The following CIAO2A variants were observed in gnomAD, a reference collection of about 807,000 sequenced individuals.
The protein encoded by CIAO2A is MIP18 family protein FAM96A.
In CIAO2A, 17 loss-of-function variants were observed where a neutral mutation model predicts 22.4. The observed-to-expected ratio is 0.76, with a 90% CI of 0.52 to 1.14. CIAO2A has a LOEUF of 1.14. Ranked by LOEUF, CIAO2A falls within the 50% of genes most tolerant of loss-of-function variation. The pLI, the probability that CIAO2A is intolerant of heterozygous loss-of-function variation, is 0.00. For synonymous variants in CIAO2A, 74 were observed against 72.3 expected, an observed-to-expected ratio of 1.02 and a Z score of -0.12; for missense variants, 192 against 191.4, an observed-to-expected ratio of 1.00 and a Z score of -0.02.
At chr15:64,086,316 G>GC (rs1469340240) in intron 2 of CIAO2A, among the ~76,000 whole-genome samples, 2 of 151,914 alleles carry the variant, frequency 1.3e-5, no homozygotes, top group Non-Finnish European at 2.9e-5. Context: ...GGAGGCTGAG[G>GC]CAAGAGAATC....
chr15:64,079,787 C>A (rs1372327518), intron 3 of CIAO2A, among the ~76,000 whole-genome samples: 1 of 152,152 alleles, frequency 6.6e-6, no homozygotes, highest in Non-Finnish European at 1.5e-5. Context: ...ACACCAAAAG[C>A]ACAAGTTAAA....
rs1017342631 is a variant in CIAO2A at position 64,091,551 on chromosome 15, C to G, written c.124+2094G>C. Among the ~76,000 whole-genome samples the G allele has an allele frequency of 3.3e-5, 5 of 151,808 alleles. No homozygotes were observed. In the East Asian group the frequency reaches 7.7e-4, roughly 23 times the overall value. ...ATAGGCAAGAAAGTCGACAAAGCTTCTCTTTCACAGAGCTGTGTTATCATG... is the reference window on the plus strand; with the variant it reads ...ATAGGCAAGAAAGTCGACAAAGCTTGTCTTTCACAGAGCTGTGTTATCATG... On this transcript the variant is annotated intron_variant, in intron 1 of 4. Transcript: ENST00000300030.
At chr15:64,073,504 A>G (rs1207225021) in intron 4 of CIAO2A, among the ~76,000 whole-genome samples, 2 of 152,214 alleles carry the variant, frequency 1.3e-5, no homozygotes, top group African/African-American at 2.4e-5. Context: ...GGTGTGATTC[A>G]TATCATTGAT....
chr15:64,092,439 T>A (rs1419488525), intron 1 of CIAO2A, among the ~76,000 whole-genome samples: 1 of 152,218 alleles, frequency 6.6e-6, no homozygotes, highest in Non-Finnish European at 1.5e-5. Flanking sequence ...GTATCTCCCT[T>A]TCTCTGAATT....
intron 4 of CIAO2A, chr15:64,075,193 G>C (rs2080707807): frequency 4.7e-6 from 1 of 211,218 alleles, no homozygotes; most frequent in Admixed American, 6.0e-5. Context: ...TGTCACCAAA[G>C]AAAAGAAGCC....
At chr15:64,090,304 T>C (rs774248121) in intron 1 of CIAO2A, 2 of 161,114 alleles carry the variant, frequency 1.2e-5, no homozygotes, top group Non-Finnish European at 2.8e-5. Flanking sequence ...GATCCCGCCA[T>C]TGCATTCCAA....
chr15:64,082,290 G>A (rs960527752), intron 2 of CIAO2A, among the ~76,000 whole-genome samples: 72 of 152,148 alleles, frequency 4.7e-4, no homozygotes, highest in African/African-American at 1.7e-3. Context: ...GTACAGTGGC[G>A]AGATCTCAGC....
intron 4 of CIAO2A, 115 bp from the exon 5 acceptor site, chr15:64,073,143 G>GT (rs2080687295): frequency 1.6e-6 from 1 of 617,900 alleles, no homozygotes; most frequent in Non-Finnish European, 2.8e-6. Context: ...ACTTAAACCT[G>GT]TTTTTGGCTA....
intron 2 of CIAO2A, among the ~76,000 whole-genome samples, chr15:64,084,826 C>A (rs958547917): frequency 6.6e-6 from 1 of 151,948 alleles, no homozygotes; most frequent in Non-Finnish European, 1.5e-5. Context: ...GGCGCGGTGG[C>A]TCACACCTGT....
At chr15:64,083,205 AT>A (rs1240034024) in intron 2 of CIAO2A, among the ~76,000 whole-genome samples, 5 of 151,404 alleles carry the variant, frequency 3.3e-5, no homozygotes, top group Non-Finnish European at 7.4e-5. Flanking sequence ...ATAGTAAAAA[AT>A]AATAGTATAA....
At chr15:64,076,008 C>T (rs1172893947) in intron 3 of CIAO2A, among the ~76,000 whole-genome samples, 2 of 151,544 alleles carry the variant, frequency 1.3e-5, no homozygotes, top group East Asian at 1.9e-4. Flanking sequence ...AAATCCCCCA[C>T]ATCCTTCTCT....
chr15:64,084,038 A>G (rs1458970096), intron 2 of CIAO2A, among the ~76,000 whole-genome samples: 1 of 152,154 alleles, frequency 6.6e-6, no homozygotes, highest in Non-Finnish European at 1.5e-5. Context: ...AAAACTTTCT[A>G]CAGGAAGTGT....
In CIAO2A at chr15:64,093,531, AAAC is replaced by A; in HGVS notation, c.124+111_124+113del. On this transcript the variant is annotated intron_variant, in intron 1 of 4. Coordinates refer to ENST00000300030, the MANE Select transcript of CIAO2A (RefSeq NM_032231.7). ...TCTGGCCAAAAACAAACAAACAAAC[AAAC>A]AAAAAAAAAGGTCTCCCCTCCCAGC... 4 of 1,267,886 alleles carry A rather than the reference AAAC, an allele frequency of 3.2e-6. No homozygotes were observed. In the African/African-American group the frequency reaches 4.6e-5, roughly 15 times the overall value. The allele number at this position is 1,267,886 out of a possible 1,614,324, so 78.5% of individuals were successfully genotyped here.
chr15:64,091,879 C>T (rs1320178229), intron 1 of CIAO2A, among the ~76,000 whole-genome samples: 2 of 151,770 alleles, frequency 1.3e-5, no homozygotes, highest in African/African-American at 2.4e-5. Context: ...GGTAACATAG[C>T]AAAACCTCAT....
At chr15:64,083,332 T>C (rs930854476) in intron 2 of CIAO2A, among the ~76,000 whole-genome samples, 4 of 152,076 alleles carry the variant, frequency 2.6e-5, no homozygotes, top group Admixed American at 6.6e-5. Flanking sequence ...ACCTACACCT[T>C]CTGACCTCCA....
chr15:64,084,260 G>A (rs755693421), intron 2 of CIAO2A, among the ~76,000 whole-genome samples: 35 of 151,624 alleles, frequency 2.3e-4, no homozygotes, highest in Non-Finnish European at 4.7e-4. Context: ...CTCTCGCCTC[G>A]GCCTCCCAAA....
chr15:64,072,722 T>C lies in CIAO2A; in HGVS notation c.*209A>G, dbSNP rs2080681400. ...AATAACTAGAAAATATTATTCTGTC[T>C]GATCATTTAAGTGTTACAAATCCTG... On this transcript the variant is annotated 3_prime_UTR_variant, in exon 5 of 5. Coordinates refer to ENST00000300030, the MANE Select transcript of CIAO2A (RefSeq NM_032231.7). 1 of 412,984 alleles carries C rather than the reference T, an allele frequency of 2.4e-6. No individual in the cohort carries two copies. The highest frequency in any genetic ancestry group is 6.3e-5 in the South Asian group (1 of 15,756). 25.6% of individuals were successfully genotyped at this position (412,984 alleles called of 1,614,324 possible). A position where few individuals can be genotyped will look rare whatever the true frequency, so the allele number is the denominator to read the frequency against.
At chr15:64,078,303 C>T (rs780340044) in intron 3 of CIAO2A, among the ~76,000 whole-genome samples, 1 of 152,094 alleles carries the variant, frequency 6.6e-6, no homozygotes, top group African/African-American at 2.4e-5. Context: ...AGCAGGAACA[C>T]AGAGATGTAT....
chr15:64,093,707 A>C lies in CIAO2A; in HGVS notation c.62T>G (p.Leu21Arg), dbSNP rs1329648887. 6.2e-7 allele frequency: 1 copy of C among 1,613,882 alleles called. No homozygotes were observed. The highest frequency in any genetic ancestry group is 1.3e-5 in the African/African-American group (1 of 74,878). The change falls in exon 1 of 5, where the codon CTC (leucine) becomes CGC (arginine). Residue 21 changes from leucine (L) to arginine (R), a missense_variant. Physicochemically the swap from Leu to Arg is moderately radical, Grantham distance 102. Coordinates refer to ENST00000300030, the MANE Select transcript of CIAO2A (RefSeq NM_032231.7). ...TLSRVLWLSGLSEPGAARQPR... is the reference protein window; with the variant it reads ...TLSRVLWLSGRSEPGAARQPR... ...CTGCCGGGCAGCTCCCGGCTCAGAG[A>C]GGCCGGAGAGCCACAGGACTCTGCT...
Sources: gnomAD v4.1 joint callset for allele counts (sites outside exome capture counted in the v4.1 genomes callset) on GRCh38, gnomAD v4.1.1 for gene constraint, MANE v1.5 for transcripts, NCBI Gene and HGNC (gene_info 2026-07-23, HGNC 2026-07-21) for gene names.